Variants in PXDNL observed in about 807,000 individuals in gnomAD.
PXDNL encodes peroxidasin like, also known as probable oxidoreductase PXDNL.
PXDNL carries 145 observed loss-of-function variants against 150.8 expected under a neutral mutation model. The observed-to-expected ratio is 0.96, with a 90% CI of 0.84 to 1.10. The LOEUF (loss-of-function observed/expected upper bound fraction) is 1.10, where lower values mean the gene tolerates loss of function less well. Ranked by LOEUF, PXDNL falls within the 50% of genes least tolerant of loss-of-function variation. PXDNL has a pLI of 0.00. For synonymous variants in PXDNL, 757 were observed against 725.7 expected (o/e 1.04, Z -0.69); for missense variants, 2,087 against 1,873.9 (o/e 1.11, Z -2.10).
intron 1 of PXDNL, among the ~76,000 whole-genome samples, chr8:51,753,130 T>C (rs1243214457): frequency 6.6e-6 from 1 of 152,264 alleles, no homozygotes; most frequent in Admixed American, 6.5e-5. Context: ...ATCCTACAAA[T>C]GGATTTCTCT....
At chr8:51,358,472 G>A (rs916199772) in intron 19 of PXDNL, among the ~76,000 whole-genome samples, 10 of 152,122 alleles carry the variant, frequency 6.6e-5, no homozygotes, top group African/African-American at 2.4e-4. Flanking sequence ...CCATAATAGT[G>A]TGTAAAAAAA....
At chr8:51,798,715 C>A (rs576821987) in intron 1 of PXDNL, among the ~76,000 whole-genome samples, 12 of 152,252 alleles carry the variant, frequency 7.9e-5, no homozygotes, top group Admixed American at 5.2e-4. Flanking sequence ...GAAACAGGAA[C>A]CTTTTTACAC....
intron 2 of PXDNL, among the ~76,000 whole-genome samples, chr8:51,615,764 T>C (rs775721278): frequency 2.0e-5 from 3 of 152,202 alleles, no homozygotes; most frequent in Non-Finnish European, 4.4e-5. Flanking sequence ...CAATTCATAA[T>C]AAGTCAAAGA....
chr8:51,423,276 T>C (rs566949387), intron 14 of PXDNL, among the ~76,000 whole-genome samples: 11 of 152,374 alleles, frequency 7.2e-5, no homozygotes, highest in African/African-American at 2.4e-4. Context: ...ACATTTTGGC[T>C]ATAAATACAT....
At chr8:51,495,236 A>G (rs938045824) in intron 5 of PXDNL, among the ~76,000 whole-genome samples, 3 of 152,214 alleles carry the variant, frequency 2.0e-5, no homozygotes, top group Admixed American at 6.5e-5. Context: ...AACCAATGAG[A>G]ACAAAGACAC....
intron 1 of PXDNL, among the ~76,000 whole-genome samples, chr8:51,742,124 G>A (rs1224410075): frequency 6.6e-6 from 1 of 152,178 alleles, no homozygotes; most frequent in Non-Finnish European, 1.5e-5. Flanking sequence ...GAATGACACT[G>A]AGTGAAAAGC....
At chr8:51,519,929 G>GA (rs957916360) in intron 4 of PXDNL, among the ~76,000 whole-genome samples, 3 of 152,180 alleles carry the variant, frequency 2.0e-5, no homozygotes, top group Non-Finnish European at 4.4e-5. Flanking sequence ...CCTTCAGGCA[G>GA]AAAAAAACCA....
intron 4 of PXDNL, among the ~76,000 whole-genome samples, chr8:51,548,271 G>A (rs1812405475): frequency 6.6e-6 from 1 of 152,048 alleles, no homozygotes; most frequent in Non-Finnish European, 1.5e-5. Context: ...CTTATTTGAG[G>A]GAATAATCAA....
At chr8:51,453,218 T>A (rs1303947223) in intron 10 of PXDNL, among the ~76,000 whole-genome samples, 1 of 152,228 alleles carries the variant, frequency 6.6e-6, no homozygotes, top group African/African-American at 2.4e-5. Context: ...GTACTGTCTT[T>A]CCTGTATCTG....
At chr8:51,402,267 C>T (rs1223835199) in intron 17 of PXDNL, among the ~76,000 whole-genome samples, 1 of 152,158 alleles carries the variant, frequency 6.6e-6, no homozygotes, top group Non-Finnish European at 1.5e-5. Flanking sequence ...CGATGGCTCA[C>T]ATCTGTAATC....
chr8:51,645,523 G>A (rs540335944), intron 2 of PXDNL, among the ~76,000 whole-genome samples: 95 of 152,334 alleles, frequency 6.2e-4, no homozygotes, highest in Non-Finnish European at 9.8e-4. Context: ...AGCTTTGGCT[G>A]TAGGTGAAAG....
chr8:51,698,365 C>T (rs938147814), intron 1 of PXDNL, among the ~76,000 whole-genome samples: 2 of 152,214 alleles, frequency 1.3e-5, no homozygotes, highest in African/African-American at 2.4e-5. Context: ...ATGTTCACAG[C>T]ATCTTCACTG....
chr8:51,756,442 G>T (rs184767781), intron 1 of PXDNL, among the ~76,000 whole-genome samples: 5 of 150,234 alleles, frequency 3.3e-5, no homozygotes, highest in African/African-American at 1.2e-4. Context: ...AAAAAGAAAT[G>T]CCTGAACCCA....
intron 3 of PXDNL, among the ~76,000 whole-genome samples, chr8:51,580,413 A>G (rs1465628727): frequency 6.6e-6 from 1 of 152,176 alleles, no homozygotes; most frequent in African/African-American, 2.4e-5. Context: ...TGTTGAATGA[A>G]TGTAGATTGA....
intron 4 of PXDNL, among the ~76,000 whole-genome samples, chr8:51,506,262 G>C (rs1190548363): frequency 6.6e-6 from 1 of 152,098 alleles, no homozygotes; most frequent in East Asian, 1.9e-4. Context: ...ACAGAAAAAG[G>C]CTGGGCACAG....
chr8:51,380,991 TTA>T (rs1807516142), intron 17 of PXDNL, among the ~76,000 whole-genome samples: 1 of 152,230 alleles, frequency 6.6e-6, no homozygotes. Context: ...TATGATCATG[TTA>T]TATATGTATG....
At chr8:51,731,513 G>T (rs975793543) in intron 1 of PXDNL, among the ~76,000 whole-genome samples, 5 of 152,212 alleles carry the variant, frequency 3.3e-5, no homozygotes, top group Non-Finnish European at 4.4e-5. Flanking sequence ...CAAGCTATCC[G>T]TGGAACTACC....
intron 13 of PXDNL, among the ~76,000 whole-genome samples, chr8:51,425,569 C>T (rs1809069607): frequency 6.6e-6 from 1 of 151,946 alleles, no homozygotes; most frequent in Non-Finnish European, 1.5e-5. Flanking sequence ...CGTGGTGGCT[C>T]ACACTTGTAA....
chr8:51,606,938 A>G (rs1229595992), intron 2 of PXDNL, among the ~76,000 whole-genome samples: 1 of 152,180 alleles, frequency 6.6e-6, no homozygotes, highest in African/African-American at 2.4e-5. Flanking sequence ...TCTTTTGCTC[A>G]CTGTCAACAG....
Sources: allele counts gnomAD v4.1 joint callset (sites outside exome capture counted in the v4.1 genomes callset), GRCh38; gene constraint gnomAD v4.1.1; transcripts MANE v1.5; gene names NCBI Gene and HGNC (gene_info 2026-07-23, HGNC 2026-07-21).